Variants in CRYBA4 observed in about 807,000 individuals in gnomAD.
CRYBA4 encodes crystallin beta A4.
A neutral mutation model predicts 31.7 loss-of-function variants in CRYBA4; 30 were observed. The ratio of observed to expected loss-of-function variants is 0.95; its 90% CI spans 0.71 to 1.28. The LOEUF (loss-of-function observed/expected upper bound fraction) is 1.28, where lower values mean the gene tolerates loss of function less well. Ranked by LOEUF, CRYBA4 falls within the 50% of genes most tolerant of loss-of-function variation. CRYBA4 has a pLI of 0.00. For synonymous variants in CRYBA4, 102 were observed against 102.3 expected (o/e 1.00, Z 0.02); for missense variants, 225 against 260.7 (o/e 0.86, Z 0.94).
chr22:26,626,645 A>G (rs1205980218), intron 4 of CRYBA4, among the ~76,000 whole-genome samples: 1 of 152,198 alleles, frequency 6.6e-6, no homozygotes. Flanking sequence ...TAATACTTAC[A>G]GTTGAGCAGC....
At chr22:26,613,867 C>G in the CRYBA4 span, among the ~76,000 whole-genome samples, 1 of 152,216 alleles carries the variant, frequency 6.6e-6, no homozygotes, top group Non-Finnish European at 1.5e-5. Flanking sequence ...AGAAATATCG[C>G]TGAATTCTTT....
chr22:26,605,161 C>T, the CRYBA4 span, among the ~76,000 whole-genome samples: 1 of 152,224 alleles, frequency 6.6e-6, no homozygotes, highest in Non-Finnish European at 1.5e-5. Context: ...CCACTCCCAC[C>T]TCTAACAATA....
chr22:26,612,489 GT>G, the CRYBA4 span, among the ~76,000 whole-genome samples: 2 of 152,154 alleles, frequency 1.3e-5, no homozygotes, highest in Admixed American at 6.5e-5. Flanking sequence ...CAGCCTCCGA[GT>G]AGTTGAGATT....
chr22:26,600,557 C>T, the CRYBA4 span, among the ~76,000 whole-genome samples: 2 of 152,176 alleles, frequency 1.3e-5, no homozygotes, highest in African/African-American at 4.8e-5. Flanking sequence ...ATCAGAACCT[C>T]AATGTACTGT....
At position 26,627,361 on chromosome 22, in the gene CRYBA4, T is replaced by TCCC. The variant is rs1929739810; in HGVS notation, c.301-927_301-926insCCC. On this transcript the variant is annotated intron_variant, in intron 4 of 5. Transcript: ENST00000354760. ...CCTCCCTCCCTCCCTCCCTCCCTCCTTTCTTTCTTTCTTTCTTTCTTTCTT... is the reference window on the plus strand; with the variant it reads ...CCTCCCTCCCTCCCTCCCTCCCTCCTCCCTTCTTTCTTTCTTTCTTTCTTTCTT... Among the ~76,000 whole-genome samples the TCCC allele has an allele frequency of 6.1e-3, 159 of 26,048 alleles. 8 individuals are homozygous for TCCC. Among genetic ancestry groups the TCCC allele is most frequent in the Middle Eastern group, 0.029 (1 of 34 alleles). The allele number at this position is 26,048 out of a possible 152,430, so 17.1% of individuals were successfully genotyped here. A position where few individuals can be genotyped will look rare whatever the true frequency, so the allele number is the denominator to read the frequency against.
chr22:26,612,157 G>A, the CRYBA4 span: 34 of 1,613,748 alleles, frequency 2.1e-5, no homozygotes, highest in African/African-American at 8.0e-5. Context: ...TCTGCTCGAC[G>A]GCCCTGGAAG....
intron 5 of CRYBA4, among the ~76,000 whole-genome samples, chr22:26,629,621 A>G (rs1428583208): frequency 6.6e-6 from 1 of 151,092 alleles, no homozygotes; most frequent in Non-Finnish European, 1.5e-5. Context: ...CTATGCCTCT[A>G]GTCCCAGCCA....
At chr22:26,612,014 T>G in the CRYBA4 span, 1 of 1,260,066 alleles carries the variant, frequency 7.9e-7, no homozygotes, top group East Asian at 2.3e-5. Context: ...TGGCAGCTAC[T>G]GTTGTGTGGT....
Position 26,628,559 on chromosome 22 carries a change from C to T in CRYBA4, c.443+129C>T, listed in dbSNP as rs1023631944. The T allele has an allele frequency of 2.7e-5, 30 of 1,098,882 alleles. No individual in the cohort carries two copies. In the African/African-American group the frequency reaches 4.0e-4, roughly 15 times the overall value. 68.1% of individuals were successfully genotyped at this position (1,098,882 alleles called of 1,614,324 possible). The stretch of plus-strand genomic sequence containing the variant: ...CACATTCCAGAGGAGAACACTGAGG[C>T]ACAGGGAGGTATCAGGCAGAATTTG... On this transcript the variant is annotated intron_variant, in intron 5 of 5. Coordinates refer to ENST00000354760, the MANE Select transcript of CRYBA4 (RefSeq NM_001886.3).
chr22:26,607,384 G>A, the CRYBA4 span, among the ~76,000 whole-genome samples: 2 of 151,996 alleles, frequency 1.3e-5, no homozygotes, highest in South Asian at 4.2e-4. Flanking sequence ...TTTCGAATGG[G>A]CACTGAAATT....
intron 4 of CRYBA4, 23 bp from the exon 5 acceptor site, chr22:26,628,245 AACTGGGAGCCTGCTGGTCTG>A (rs1569212310): frequency 6.2e-7 from 1 of 1,613,572 alleles, no homozygotes; most frequent in Non-Finnish European, 8.5e-7. Flanking sequence ...CTGGGTTTCC[AACTGGGAGCCTGCTGGTCTG>A]ACTGTGTTCC....
chr22:26,614,669 A>G, the CRYBA4 span, among the ~76,000 whole-genome samples: 1 of 152,180 alleles, frequency 6.6e-6, no homozygotes, highest in Admixed American at 6.5e-5. Flanking sequence ...AGCCCAGAAT[A>G]ATCACATTGC....
chr22:26,604,919 CCTA>C, the CRYBA4 span, among the ~76,000 whole-genome samples: 1 of 152,154 alleles, frequency 6.6e-6, no homozygotes, highest in Non-Finnish European at 1.5e-5. Context: ...CCTATGAGAC[CCTA>C]CAAGACCCTG....
chr22:26,621,688 T>C (rs1384976137), upstream of CRYBA4, among the ~76,000 whole-genome samples: 1 of 152,198 alleles, frequency 6.6e-6, no homozygotes, highest in East Asian at 1.9e-4. Flanking sequence ...GGACTCCTCA[T>C]CTAGTGCTCA....
chr22:26,629,557 C>T (rs1929856283), intron 5 of CRYBA4, among the ~76,000 whole-genome samples: 1 of 151,748 alleles, frequency 6.6e-6, no homozygotes, highest in African/African-American at 2.4e-5. Flanking sequence ...GCCTGGCCAA[C>T]ATGGTGAAAG....
chr22:26,619,252 G>T (rs897556876), upstream of CRYBA4, among the ~76,000 whole-genome samples: 1 of 152,160 alleles, frequency 6.6e-6, no homozygotes, highest in South Asian at 2.1e-4. Flanking sequence ...AGGCACAGGG[G>T]ACATGGACAG....
the CRYBA4 span, among the ~76,000 whole-genome samples, chr22:26,591,890 TAC>T: frequency 0.39 from 52,565 of 135,616 alleles, 9,702 homozygotes; most frequent in Admixed American, 0.44. Context: ...CCTGGGTGAG[TAC>T]ACACACACAC....
the CRYBA4 span, among the ~76,000 whole-genome samples, chr22:26,600,181 C>T: frequency 6.6e-6 from 1 of 152,108 alleles, no homozygotes; most frequent in African/African-American, 2.4e-5. Flanking sequence ...GCGGGCAAAT[C>T]ACAAGGTCAG....
the CRYBA4 span, chr22:26,608,100 C>G: frequency 1.9e-4 from 299 of 1,608,674 alleles, no homozygotes; most frequent in Non-Finnish European, 2.5e-4. Context: ...GCCTTTCTCT[C>G]TCCCCTGGCA....
Sources: gnomAD v4.1 joint callset for allele counts (sites outside exome capture counted in the v4.1 genomes callset) on GRCh38, gnomAD v4.1.1 for gene constraint, MANE v1.5 for transcripts, NCBI Gene and HGNC (gene_info 2026-07-23, HGNC 2026-07-21) for gene names.